Variants in CYP4F22 observed in about 807,000 individuals in gnomAD.
CYP4F22 encodes ultra-long-chain fatty acid omega-hydroxylase.
In CYP4F22, 37 loss-of-function variants were observed where a neutral mutation model predicts 60.4. The observed-to-expected ratio is 0.61, with a 90% CI of 0.47 to 0.81. CYP4F22 has a LOEUF of 0.81. CYP4F22 is among the 30% of genes least tolerant of loss of function. The pLI is 0.00. For missense variants in CYP4F22, 655 were observed against 715.0 expected, an observed-to-expected ratio of 0.92 and a Z score of 0.96; for synonymous variants, 258 against 280.5, an observed-to-expected ratio of 0.92 and a Z score of 0.80.
intron 1 of CYP4F22, among the ~76,000 whole-genome samples, chr19:15,509,904 CCTTT>C (rs1246966485): frequency 4.6e-3 from 398 of 86,612 alleles, no homozygotes; most frequent in Non-Finnish European, 5.6e-3. Flanking sequence ...TTCCTTCCTT[CCTTT>C]CTTTCTTTCC....
chr19:15,510,945 C>CATATATATATAT (rs1183507990), intron 1 of CYP4F22, among the ~76,000 whole-genome samples: 9 of 111,594 alleles, frequency 8.1e-5, no homozygotes, highest in African/African-American at 2.5e-4. Context: ...ATAGGGATAC[C>CATATATATATAT]ATATATATAT....
In CYP4F22 at chr19:15,548,173, CTGTCACTCT is replaced by C; in HGVS notation, c.1207_1215del (p.Thr403_Val405del). 6.2e-7 allele frequency: 1 copy of C among 1,614,146 alleles called. No individual in the cohort carries two copies. Among genetic ancestry groups the C allele is most frequent in the Non-Finnish European group, 8.5e-7 (1 of 1,180,040 alleles). On this transcript the variant is annotated inframe_deletion, in exon 11 of 14. Coordinates refer to ENST00000269703, the MANE Select transcript of CYP4F22 (RefSeq NM_173483.4). ...AAGGAGAGCCTGCGCCAGTACCCACCTGTCACTCTTGTCTCTCGCCAATGCACGGAGGAC... is the reference window on the plus strand; with the variant it reads ...AAGGAGAGCCTGCGCCAGTACCCACCTGTCTCTCGCCAATGCACGGAGGAC...
chr19:15,526,748 T>C (rs77419151), intron 3 of CYP4F22, among the ~76,000 whole-genome samples: 1 of 133,098 alleles, frequency 7.5e-6, no homozygotes, highest in African/African-American at 3.0e-5. Flanking sequence ...AGACTTTTCC[T>C]TTTTTTTTTT....
intron 7 of CYP4F22, among the ~76,000 whole-genome samples, chr19:15,540,120 C>T (rs1456532089): frequency 1.3e-5 from 2 of 151,966 alleles, no homozygotes; most frequent in Non-Finnish European, 2.9e-5. Flanking sequence ...AAGTCTTTAT[C>T]CCTCTTTGGG....
Position 15,552,247 on chromosome 19 carries a change from T to A in CYP4F22, c.*776T>A, listed in dbSNP as rs1450958643. The A allele has an allele frequency of 6.6e-6, 1 of 152,256 alleles. No individual in the cohort carries two copies. The highest frequency in any genetic ancestry group is 1.9e-4 in the East Asian group (1 of 5,196). The allele number at this position is 152,256 out of a possible 1,614,324, so 9.4% of individuals were successfully genotyped here. A position where few individuals can be genotyped will look rare whatever the true frequency, so the allele number is the denominator to read the frequency against. The stretch of plus-strand genomic sequence containing the variant: ...GCATGGGAATGAGGGGCTCTGCAAC[T>A]GAGCGAAGCTGCGGGCTAGGAGGCT... On this transcript the variant is annotated 3_prime_UTR_variant, in exon 14 of 14. Transcript: ENST00000269703.
rs981705977 is a variant in CYP4F22, at chr19:15,542,384, A to AT, written c.940-1587_940-1586insT. ...CCGTCTCTACTAAAAATAAAAAAAA[A>AT]ATATTAGCCGGGCGTGGTGGCATGC... On this transcript the variant is annotated intron_variant, in intron 8 of 13. Coordinates refer to ENST00000269703, the MANE Select transcript of CYP4F22 (RefSeq NM_173483.4). Among the ~76,000 whole-genome samples the AT allele has an allele frequency of 7.0e-4, 105 of 151,052 alleles. 1 individual carries two copies. The highest frequency in any genetic ancestry group is 1.5e-3 in the South Asian group (7 of 4,730).
intron 7 of CYP4F22, 81 bp from the exon 8 acceptor site, chr19:15,540,369 A>C: frequency 3.2e-6 from 5 of 1,548,184 alleles, no homozygotes; most frequent in Non-Finnish European, 4.5e-6. Flanking sequence ...CAATGGGGAC[A>C]GGAGGCTTAT....
At chr19:15,510,948 A>G (rs1242571228) in intron 1 of CYP4F22, among the ~76,000 whole-genome samples, 2 of 102,578 alleles carry the variant, frequency 1.9e-5, no homozygotes. Context: ...GGGATACCAT[A>G]TATATATATA....
At chr19:15,535,868 C>T (rs1318961405) in intron 4 of CYP4F22, among the ~76,000 whole-genome samples, 1 of 152,152 alleles carries the variant, frequency 6.6e-6, no homozygotes, top group Non-Finnish European at 1.5e-5. Context: ...ACGAACCCTC[C>T]TGTTAAGGGG....
intron 3 of CYP4F22, 64 bp from the exon 4 acceptor site, chr19:15,529,644 GA>G: frequency 3.1e-6 from 5 of 1,602,648 alleles, no homozygotes; most frequent in Non-Finnish European, 4.3e-6. Context: ...GAGGTGGCAG[GA>G]GGAAGGCAGT....
chr19:15,547,648 C>A (rs2144544557), intron 10 of CYP4F22, among the ~76,000 whole-genome samples: 1 of 151,946 alleles, frequency 6.6e-6, no homozygotes, highest in Admixed American at 6.6e-5. Context: ...CATGGAGAAA[C>A]CCTGTCTCTA....
intron 10 of CYP4F22, among the ~76,000 whole-genome samples, chr19:15,547,473 A>G (rs1430124076): frequency 6.6e-6 from 1 of 152,168 alleles, no homozygotes; most frequent in Non-Finnish European, 1.5e-5. Flanking sequence ...GGCCCAGCAG[A>G]GGGCCCAGTG....
rs143204751 is a variant in CYP4F22 at position 15,542,360 on chromosome 19, C to T, written c.940-1611C>T. Among the ~76,000 whole-genome samples, 40 of 145,470 alleles carry T rather than the reference C, an allele frequency of 2.7e-4. No individual in the cohort carries two copies. In the East Asian group the frequency reaches 7.5e-3, roughly 27 times the overall value. On this transcript the variant is annotated intron_variant, in intron 8 of 13. Coordinates refer to ENST00000269703, the MANE Select transcript of CYP4F22 (RefSeq NM_173483.4). Reference sequence around the variant, plus strand: ...GAGCCTGGCCAACATATTGAAACACCGTCTCTACTAAAAATAAAAAAAAAA... The same window carrying T: ...GAGCCTGGCCAACATATTGAAACACTGTCTCTACTAAAAATAAAAAAAAAA...
intron 10 of CYP4F22, among the ~76,000 whole-genome samples, chr19:15,544,674 T>C (rs1971501271): frequency 6.6e-6 from 1 of 152,226 alleles, no homozygotes. Flanking sequence ...CTGCTTCATA[T>C]ACTCCCTTTC....
intron 2 of CYP4F22, among the ~76,000 whole-genome samples, chr19:15,524,390 G>A (rs976332507): frequency 5.3e-5 from 8 of 152,072 alleles, no homozygotes; most frequent in African/African-American, 1.9e-4. Flanking sequence ...TAGCTCATGC[G>A]TGTAATCCCA....
Position 15,544,314 on chromosome 19 carries a change from T to C in CYP4F22, c.1136+35T>C, listed in dbSNP as rs372283933. On this transcript the variant is annotated intron_variant, in intron 10 of 13. Coordinates refer to ENST00000269703, the MANE Select transcript of CYP4F22 (RefSeq NM_173483.4). Reference sequence around the variant, plus strand: ...GGGTCAGGGGAATGGAGGGGGCAGGTTGAGGCCAGAGCCTTGGGTGTAAGC... The same window carrying C: ...GGGTCAGGGGAATGGAGGGGGCAGGCTGAGGCCAGAGCCTTGGGTGTAAGC... The C allele has an allele frequency of 8.7e-6, 14 of 1,603,384 alleles. No individual in the cohort carries two copies. The African/African-American group carries it at 1.5e-4, about 17-fold the overall frequency.
chr19:15,538,080 C>A, intron 7 of CYP4F22, 87 bp downstream of exon 7: 1 of 1,581,308 alleles, frequency 6.3e-7, no homozygotes, highest in Non-Finnish European at 8.6e-7. Flanking sequence ...AGGCATTAGA[C>A]AACTCTGGCC....
chr19:15,528,573 TC>T, intron 3 of CYP4F22, among the ~76,000 whole-genome samples: 2 of 44,842 alleles, frequency 4.5e-5, no homozygotes, highest in Non-Finnish European at 1.5e-4. Context: ...CTGGTGGTCT[TC>T]TTCCCCTATC....
chr19:15,542,334 C>T (rs746628666), intron 8 of CYP4F22, among the ~76,000 whole-genome samples: 1 of 151,720 alleles, frequency 6.6e-6, no homozygotes, highest in African/African-American at 2.4e-5. Flanking sequence ...GAGTTCAAGA[C>T]GAGCCTGGCC....
Sources: gnomAD v4.1 joint callset for allele counts (sites outside exome capture counted in the v4.1 genomes callset) on GRCh38, gnomAD v4.1.1 for gene constraint, MANE v1.5 for transcripts, NCBI Gene and HGNC (gene_info 2026-07-23, HGNC 2026-07-21) for gene names.